The following ENTREP2 variants were observed in gnomAD, a reference collection of about 807,000 sequenced individuals.
The protein encoded by ENTREP2 is endosomal transmembrane epsin interactor 2.
the ENTREP2 span, among the ~76,000 whole-genome samples, chr15:29,660,078 A>T: frequency 1.1e-4 from 16 of 152,364 alleles, no homozygotes; most frequent in South Asian, 3.3e-3. Flanking sequence ...CTAGGATTTC[A>T]GGCGTGAGCC....
the ENTREP2 span, among the ~76,000 whole-genome samples, chr15:29,526,051 A>G: frequency 6.6e-6 from 1 of 152,236 alleles, no homozygotes; most frequent in Non-Finnish European, 1.5e-5. Flanking sequence ...TCCAATGGGT[A>G]GATTTAATAT....
chr15:29,570,269 G>C, the ENTREP2 span, among the ~76,000 whole-genome samples: 1 of 151,680 alleles, frequency 6.6e-6, no homozygotes, highest in Non-Finnish European at 1.5e-5. Context: ...TCCAAGAAAA[G>C]TAACTCCGGG....
At chr15:29,377,209 G>A in the ENTREP2 span, among the ~76,000 whole-genome samples, 1 of 152,124 alleles carries the variant, frequency 6.6e-6, no homozygotes, top group Non-Finnish European at 1.5e-5. Context: ...TCATGCTAGT[G>A]CTAAGTCCCA....
chr15:29,577,095 C>T, the ENTREP2 span, among the ~76,000 whole-genome samples: 1 of 151,416 alleles, frequency 6.6e-6, no homozygotes, highest in Non-Finnish European at 1.5e-5. Context: ...GTGTGAGCCA[C>T]CAGACCTGGC....
the ENTREP2 span, among the ~76,000 whole-genome samples, chr15:29,662,965 G>A: frequency 2.6e-5 from 4 of 151,544 alleles, no homozygotes; most frequent in African/African-American, 7.3e-5. Flanking sequence ...CGCCCGCCTC[G>A]GCCTCCCAAA....
the ENTREP2 span, among the ~76,000 whole-genome samples, chr15:29,443,876 G>A: frequency 6.6e-6 from 1 of 152,032 alleles, no homozygotes; most frequent in East Asian, 1.9e-4. Flanking sequence ...AGGGGGAGGC[G>A]GGTGGATCAC....
the ENTREP2 span, among the ~76,000 whole-genome samples, chr15:29,631,517 C>T: frequency 1.3e-5 from 2 of 152,210 alleles, no homozygotes; most frequent in African/African-American, 4.8e-5. Flanking sequence ...AGTGTGCCAC[C>T]TGCGGGGCAC....
the ENTREP2 span, among the ~76,000 whole-genome samples, chr15:29,407,335 C>T: frequency 6.6e-6 from 1 of 152,198 alleles, no homozygotes; most frequent in Non-Finnish European, 1.5e-5. Flanking sequence ...CCATTGTATA[C>T]ACAGTCCGTC....
At chr15:29,329,453 C>T in the ENTREP2 span, among the ~76,000 whole-genome samples, 649 of 152,136 alleles carry the variant, frequency 4.3e-3, 4 homozygotes, top group African/African-American at 0.014. Flanking sequence ...ACTGAAACCA[C>T]GGAAATGAAA....
chr15:29,628,650 CTT>C, the ENTREP2 span, among the ~76,000 whole-genome samples: 1 of 152,108 alleles, frequency 6.6e-6, no homozygotes, highest in East Asian at 1.9e-4. Flanking sequence ...TCGTCTAGTT[CTT>C]TTTTCAGTTC....
At chr15:29,176,461 G>A in the ENTREP2 span, among the ~76,000 whole-genome samples, 1 of 151,938 alleles carries the variant, frequency 6.6e-6, no homozygotes, top group Non-Finnish European at 1.5e-5. Flanking sequence ...GAGGTCAGTA[G>A]TTGGAAGTGG....
chr15:29,189,476 A>G, the ENTREP2 span, among the ~76,000 whole-genome samples: 76 of 151,800 alleles, frequency 5.0e-4, no homozygotes, highest in African/African-American at 1.7e-3. Flanking sequence ...CATAAACTCA[A>G]TAACTGATTG....
At chr15:29,570,420 G>C in the ENTREP2 span, 3 of 892,992 alleles carry the variant, frequency 3.4e-6, no homozygotes, top group African/African-American at 1.8e-5. Context: ...TGCCGCCCGC[G>C]GTGGCGTCCC....
At chr15:29,621,216 C>T in the ENTREP2 span, among the ~76,000 whole-genome samples, 3 of 149,654 alleles carry the variant, frequency 2.0e-5, no homozygotes, top group African/African-American at 2.5e-5. Context: ...GGTGAAACCC[C>T]GTCTCTACTA....
At chr15:29,401,074 C>T in the ENTREP2 span, among the ~76,000 whole-genome samples, 1 of 152,216 alleles carries the variant, frequency 6.6e-6, no homozygotes, top group Non-Finnish European at 1.5e-5. Flanking sequence ...CCATGAGAAG[C>T]TTGCAACCCA....
the ENTREP2 span, among the ~76,000 whole-genome samples, chr15:29,545,351 A>C: frequency 3.9e-5 from 6 of 152,258 alleles, no homozygotes; most frequent in Non-Finnish European, 7.3e-5. Context: ...ACAAAAGGTC[A>C]AGAACATGAG....
chr15:29,283,314 G>A, the ENTREP2 span, among the ~76,000 whole-genome samples: 5 of 152,262 alleles, frequency 3.3e-5, no homozygotes, highest in Admixed American at 6.5e-5. Flanking sequence ...GTGCAACTGC[G>A]GAGGGAAAAC....
At chr15:29,414,982 A>G in the ENTREP2 span, among the ~76,000 whole-genome samples, 3 of 152,288 alleles carry the variant, frequency 2.0e-5, no homozygotes, top group East Asian at 5.8e-4. Flanking sequence ...ACAAATAATA[A>G]CAGGCTCTGA....
the ENTREP2 span, among the ~76,000 whole-genome samples, chr15:29,473,526 A>G: frequency 6.6e-6 from 1 of 152,172 alleles, no homozygotes; most frequent in East Asian, 1.9e-4. Context: ...TTATCAAATA[A>G]ACATTTTTAA....
Sources: gnomAD v4.1 joint callset for allele counts (sites outside exome capture counted in the v4.1 genomes callset) on GRCh38, gnomAD v4.1.1 for gene constraint, MANE v1.5 for transcripts, NCBI Gene and HGNC (gene_info 2026-07-23, HGNC 2026-07-21) for gene names.